Variants in HDAC9 observed in about 807,000 individuals in gnomAD.
HDAC9 encodes MEF-2 interacting transcription repressor (MITR) protein.
Under a neutral mutation model 139.4 loss-of-function variants are expected in HDAC9, and 41 were observed. That is an observed-to-expected ratio of 0.29 (90% CI 0.23 to 0.38). HDAC9 has a LOEUF of 0.38. Ranked by LOEUF, HDAC9 falls within the 10% of genes least tolerant of loss-of-function variation. The pLI, the probability that HDAC9 is intolerant of heterozygous loss-of-function variation, is 1.00. For synonymous variants in HDAC9, 517 were observed against 476.2 expected, an observed-to-expected ratio of 1.09 and a Z score of -1.12; for missense variants, 1,147 against 1,297.0, an observed-to-expected ratio of 0.88 and a Z score of 1.78.
intron 21 of HDAC9, among the ~76,000 whole-genome samples, chr7:18,860,692 A>G (rs993498590): frequency 1.1e-4 from 16 of 152,286 alleles, no homozygotes; most frequent in African/African-American, 3.8e-4. Flanking sequence ...AAGACGGAAG[A>G]AAGGAAGGAA....
chr7:18,246,049 C>G (rs946015451), intron 2 of HDAC9, among the ~76,000 whole-genome samples: 4 of 150,696 alleles, frequency 2.7e-5, no homozygotes, highest in African/African-American at 9.8e-5. Context: ...GGCAAAGACC[C>G]TTGCCTTCAT....
chr7:18,762,069 T>G, intron 14 of HDAC9, 88 bp from the exon 15 acceptor site: 1 of 1,385,904 alleles, frequency 7.2e-7, no homozygotes. Context: ...TTCAGCCCAT[T>G]ATTAATCATC....
chr7:18,136,816 A>T (rs1317582438), intron 1 of HDAC9, among the ~76,000 whole-genome samples: 1 of 151,586 alleles, frequency 6.6e-6, no homozygotes, highest in East Asian at 2.0e-4. Flanking sequence ...TGAACTTTAA[A>T]GTAGTTTTTT....
At chr7:18,695,753 C>G (rs552251197) in intron 12 of HDAC9, among the ~76,000 whole-genome samples, 1 of 152,292 alleles carries the variant, frequency 6.6e-6, no homozygotes, top group East Asian at 1.9e-4. Context: ...AAGAGCACAA[C>G]TTGAAGGATT....
At chr7:18,712,243 T>C (rs528757906) in intron 12 of HDAC9, among the ~76,000 whole-genome samples, 19 of 152,302 alleles carry the variant, frequency 1.2e-4, no homozygotes, top group African/African-American at 4.3e-4. Context: ...CCTAAAGATG[T>C]TGACAAATTT....
chr7:18,175,841 G>A (rs1788856627), intron 2 of HDAC9, among the ~76,000 whole-genome samples: 1 of 142,120 alleles, frequency 7.0e-6, no homozygotes, highest in South Asian at 2.2e-4. Context: ...TATGATAGAT[G>A]GTTGCTCCTC....
At chr7:18,540,103 CAAA>C (rs34620445) in intron 2 of HDAC9, among the ~76,000 whole-genome samples, 816 of 58,432 alleles carry the variant, frequency 0.014, 8 homozygotes, top group African/African-American at 0.046. Flanking sequence ...ACTAAAAATA[CAAA>C]AAAAAAAAAA....
At chr7:18,348,963 G>C (rs2128670939) in intron 1 of HDAC9, among the ~76,000 whole-genome samples, 1 of 152,230 alleles carries the variant, frequency 6.6e-6, no homozygotes, top group South Asian at 2.1e-4. Flanking sequence ...TAGGTATGAT[G>C]CTGTGAAGAA....
At position 18,732,908 on chromosome 7, in the gene HDAC9, CGTATGTGTATACACACGTGTGTAT is replaced by C. The variant is rs1378123732; in HGVS notation, c.1909+5172_1909+5195del. Among the ~76,000 whole-genome samples, 17 of 63,080 alleles carry C rather than the reference CGTATGTGTATACACACGTGTGTAT, an allele frequency of 2.7e-4. 1 individual carries two copies. In the East Asian group the frequency reaches 6.3e-3, roughly 24 times the overall value. The allele number at this position is 63,080 out of a possible 152,430, so 41.4% of individuals were successfully genotyped here. A position where few individuals can be genotyped will look rare whatever the true frequency, so the allele number is the denominator to read the frequency against. The stretch of plus-strand genomic sequence containing the variant: ...GCGTATGTGTACACACACACGTGTG[CGTATGTGTATACACACGTGTGTAT>C]GTATGTGTATACACACGTGTATGTG... On this transcript the variant is annotated intron_variant, in intron 13 of 25. Coordinates refer to ENST00000686413, the MANE Select transcript of HDAC9 (RefSeq NM_178425.4).
intron 1 of HDAC9, among the ~76,000 whole-genome samples, chr7:18,408,289 ATTC>A (rs1788207780): frequency 6.6e-6 from 1 of 152,194 alleles, no homozygotes; most frequent in Non-Finnish European, 1.5e-5. Flanking sequence ...ACAATACATA[ATTC>A]TTGAGTTATA....
intron 2 of HDAC9, among the ~76,000 whole-genome samples, chr7:18,270,881 G>T (rs1796311829): frequency 2.0e-5 from 3 of 151,952 alleles, no homozygotes; most frequent in South Asian, 2.1e-4. Context: ...TTAATGAAAA[G>T]AAAAATAAAT....
At chr7:18,148,568 C>T (rs1786518750) in intron 1 of HDAC9, among the ~76,000 whole-genome samples, 1 of 152,140 alleles carries the variant, frequency 6.6e-6, no homozygotes, top group African/African-American at 2.4e-5. Context: ...GCGATTCCCC[C>T]ACCTCAGCCT....
At chr7:18,547,866 T>A (rs369461504) in intron 2 of HDAC9, among the ~76,000 whole-genome samples, 177 of 78,576 alleles carry the variant, frequency 2.3e-3, no homozygotes, top group Non-Finnish European at 3.1e-3. Flanking sequence ...CTACCCTCCC[T>A]CCCTCCCTCC....
intron 12 of HDAC9, among the ~76,000 whole-genome samples, chr7:18,716,734 C>G (rs1206233140): frequency 1.3e-5 from 2 of 152,168 alleles, no homozygotes; most frequent in African/African-American, 4.8e-5. Context: ...AATGCCAACA[C>G]TAAACTAAGT....
At chr7:18,992,228 A>T (rs1230317357) in intron 25 of HDAC9, among the ~76,000 whole-genome samples, 2 of 152,246 alleles carry the variant, frequency 1.3e-5, no homozygotes, top group African/African-American at 4.8e-5. Context: ...TTCATGGTGA[A>T]TAGAGAGTTG....
chr7:18,603,287 A>G (rs1674093204), intron 6 of HDAC9, among the ~76,000 whole-genome samples: 1 of 152,150 alleles, frequency 6.6e-6, no homozygotes. Flanking sequence ...GACAATTCAC[A>G]TTTAAAATGA....
At chr7:18,395,343 A>G (rs1199384109) in intron 1 of HDAC9, among the ~76,000 whole-genome samples, 1 of 152,192 alleles carries the variant, frequency 6.6e-6, no homozygotes, top group Non-Finnish European at 1.5e-5. Flanking sequence ...TAATGTGTGA[A>G]AATGCAACAT....
At chr7:18,598,885 A>G (rs554554055) in intron 6 of HDAC9, among the ~76,000 whole-genome samples, 4 of 152,342 alleles carry the variant, frequency 2.6e-5, no homozygotes, top group African/African-American at 7.2e-5. Flanking sequence ...AGAGCTCACT[A>G]TGGTATCCAA....
chr7:18,864,320 A>C (rs1798328593), intron 21 of HDAC9, among the ~76,000 whole-genome samples: 1 of 152,216 alleles, frequency 6.6e-6, no homozygotes, highest in Non-Finnish European at 1.5e-5. Context: ...AGGTATCTAA[A>C]ATAGTCAAAC....
Sources: gnomAD v4.1 joint callset for allele counts (sites outside exome capture counted in the v4.1 genomes callset) on GRCh38, gnomAD v4.1.1 for gene constraint, MANE v1.5 for transcripts, NCBI Gene and HGNC (gene_info 2026-07-23, HGNC 2026-07-21) for gene names.